FRMD4A: variants seen among roughly 807,000 people sequenced by gnomAD.
FRMD4A encodes the protein FERM domain-containing protein 4A.
In FRMD4A, 29 loss-of-function variants were observed where a neutral mutation model predicts 129.1. That is an observed-to-expected ratio of 0.22 (90% CI 0.17 to 0.31). The LOEUF (loss-of-function observed/expected upper bound fraction) is 0.31. Among genes scored for constraint, FRMD4A ranks in the 10% least tolerant of loss-of-function variants. The pLI is 1.00. For missense variants in FRMD4A, 1,272 were observed against 1,375.8 expected (o/e 0.92, Z 1.19); for synonymous variants, 634 against 571.6 (o/e 1.11, Z -1.56).
At chr10:13,691,284 G>T (rs940661077) in intron 15 of FRMD4A, among the ~76,000 whole-genome samples, 1 of 152,152 alleles carries the variant, frequency 6.6e-6, no homozygotes, top group Non-Finnish European at 1.5e-5. Context: ...CACTGCGCCC[G>T]GCCAGATTTC....
intron 2 of FRMD4A, among the ~76,000 whole-genome samples, chr10:14,024,492 C>T (rs937425944): frequency 3.3e-5 from 5 of 152,236 alleles, no homozygotes; most frequent in African/African-American, 7.2e-5. Context: ...CAGGAAACAC[C>T]GTCGGCGTCA....
At chr10:13,945,908 A>G (rs1450265473) in intron 2 of FRMD4A, among the ~76,000 whole-genome samples, 1 of 152,194 alleles carries the variant, frequency 6.6e-6, no homozygotes, top group Admixed American at 6.5e-5. Context: ...CCAGGGTCAG[A>G]GGCCCCAGTT....
At chr10:13,924,136 T>G (rs1031024682) in intron 2 of FRMD4A, among the ~76,000 whole-genome samples, 2 of 152,200 alleles carry the variant, frequency 1.3e-5, no homozygotes, top group Non-Finnish European at 2.9e-5. Flanking sequence ...GCCCATCTCA[T>G]GGACATGCTG....
intron 12 of FRMD4A, among the ~76,000 whole-genome samples, chr10:13,720,614 C>T (rs115378234): frequency 0.01 from 1,568 of 152,190 alleles, 23 homozygotes; most frequent in African/African-American, 0.036. Context: ...GTGGTACATA[C>T]AGTAAGTTAG....
Position 13,986,968 on chromosome 10 carries a change from G to A in FRMD4A, c.46-128056C>T, listed in dbSNP as rs1008296435. On this transcript the variant is annotated intron_variant, in intron 2 of 24. Transcript: ENST00000357447. ...AGGGCATGGAAAAACATGTCTGTAG[G>A]GCCTGGGAATTTGCATTTCAAACAG... Among the ~76,000 whole-genome samples, 6 of 152,072 alleles carry A rather than the reference G, an allele frequency of 3.9e-5. 1 individual carries two copies. The highest frequency in any genetic ancestry group is 3.9e-4 in the Admixed American group (6 of 15,278).
chr10:13,799,504 G>A (rs1028694629), intron 4 of FRMD4A, among the ~76,000 whole-genome samples: 7 of 152,218 alleles, frequency 4.6e-5, no homozygotes, highest in African/African-American at 1.7e-4. Flanking sequence ...TCTACCTCAT[G>A]AGGAGAAAGT....
At chr10:13,685,536 C>T (rs984832467) in intron 15 of FRMD4A, 21 of 984,990 alleles carry the variant, frequency 2.1e-5, no homozygotes, top group Non-Finnish European at 2.3e-5. Context: ...GCAATACCAA[C>T]GTTTGCAGGT....
intron 2 of FRMD4A, among the ~76,000 whole-genome samples, chr10:13,886,626 G>A (rs750393038): frequency 2.6e-5 from 4 of 151,946 alleles, no homozygotes; most frequent in Non-Finnish European, 5.9e-5. Flanking sequence ...TGTTGCCCAG[G>A]CTGGAGCGCA....
At chr10:14,120,981 T>C (rs927467358) in intron 2 of FRMD4A, among the ~76,000 whole-genome samples, 12 of 152,206 alleles carry the variant, frequency 7.9e-5, no homozygotes, top group African/African-American at 2.9e-4. Context: ...CTGGGTGTGA[T>C]CTTACCCTGC....
chr10:13,682,660 C>T (rs527710179), intron 15 of FRMD4A, among the ~76,000 whole-genome samples: 2 of 151,818 alleles, frequency 1.3e-5, no homozygotes, highest in South Asian at 2.1e-4. Context: ...GCCACCACGC[C>T]CGGCTAATTT....
intron 2 of FRMD4A, among the ~76,000 whole-genome samples, chr10:13,886,500 A>T (rs1253484103): frequency 6.6e-6 from 1 of 152,172 alleles, no homozygotes; most frequent in African/African-American, 2.4e-5. Context: ...AGACTAAGAA[A>T]AGTTTTGACA....
chr10:14,184,491 TA>T (rs74437382), intron 2 of FRMD4A, among the ~76,000 whole-genome samples: 1 of 150,876 alleles, frequency 6.6e-6, no homozygotes, highest in East Asian at 1.9e-4. Context: ...TCTATTATGT[TA>T]AAAAAAATGG....
At chr10:13,983,653 A>G (rs1439038017) in intron 2 of FRMD4A, among the ~76,000 whole-genome samples, 2 of 152,066 alleles carry the variant, frequency 1.3e-5, no homozygotes, top group Non-Finnish European at 2.9e-5. Flanking sequence ...GAATTCAGAG[A>G]CCAGGAGATA....
chr10:14,011,866 G>T (rs1022471182), intron 2 of FRMD4A, among the ~76,000 whole-genome samples: 1 of 152,064 alleles, frequency 6.6e-6, no homozygotes, highest in African/African-American at 2.4e-5. Context: ...AACATTAGCT[G>T]GGCATGGTGG....
At chr10:14,277,748 T>A (rs561975575) in intron 2 of FRMD4A, among the ~76,000 whole-genome samples, 1 of 152,280 alleles carries the variant, frequency 6.6e-6, no homozygotes, top group Non-Finnish European at 1.5e-5. Context: ...TCACACCGAG[T>A]TGCCTACTGA....
intron 2 of FRMD4A, among the ~76,000 whole-genome samples, chr10:14,150,960 A>C (rs1284006255): frequency 6.6e-6 from 1 of 152,228 alleles, no homozygotes; most frequent in East Asian, 1.9e-4. Context: ...GTTTAGCATC[A>C]TATCTAATAA....
chr10:13,666,906 CTTTTCTT>C (rs1385688225), intron 17 of FRMD4A, among the ~76,000 whole-genome samples: 1,403 of 129,260 alleles, frequency 0.011, 10 homozygotes, highest in African/African-American at 0.044. Flanking sequence ...CTTTTCTTTT[CTTTTCTT>C]TTTTTTTTTT....
chr10:14,215,735 C>T (rs1257662624), intron 2 of FRMD4A, among the ~76,000 whole-genome samples: 1 of 152,050 alleles, frequency 6.6e-6, no homozygotes, highest in East Asian at 1.9e-4. Flanking sequence ...ATAGTGCCGG[C>T]ATATGAGCGA....
At chr10:13,888,489 A>G (rs2094652517) in intron 2 of FRMD4A, among the ~76,000 whole-genome samples, 1 of 152,206 alleles carries the variant, frequency 6.6e-6, no homozygotes, top group South Asian at 2.1e-4. Context: ...TGGGGAGGTC[A>G]TGAGGGCACA....
Sources: allele counts gnomAD v4.1 joint callset (sites outside exome capture counted in the v4.1 genomes callset), GRCh38; gene constraint gnomAD v4.1.1; transcripts MANE v1.5; gene names NCBI Gene and HGNC (gene_info 2026-07-23, HGNC 2026-07-21).